The following ZC3H13 variants were observed in gnomAD, a reference collection of about 807,000 sequenced individuals.
The protein encoded by ZC3H13 is zinc finger CCCH-type containing 13, also known as zinc finger CCCH domain-containing protein 13.
ZC3H13 carries 64 observed loss-of-function variants against 204.1 expected under a neutral mutation model. The observed-to-expected ratio is 0.31, with a 90% CI of 0.26 to 0.39. The LOEUF is 0.39. Among genes scored for constraint, ZC3H13 ranks in the 10% least tolerant of loss-of-function variants. The pLI is 1.00. For missense variants in ZC3H13, 1,833 were observed against 2,082.7 expected (o/e 0.88, Z 2.33); for synonymous variants, 667 against 693.7 (o/e 0.96, Z 0.60).
At chr13:45,995,596 CTTGTA>C (rs1480403030) in intron 8 of ZC3H13, among the ~76,000 whole-genome samples, 1 of 152,196 alleles carries the variant, frequency 6.6e-6, no homozygotes, top group African/African-American at 2.4e-5. Context: ...CATTATTCTA[CTTGTA>C]CTAACAAAGC....
intron 4 of ZC3H13, among the ~76,000 whole-genome samples, chr13:46,031,503 G>A (rs1408318822): frequency 2.6e-5 from 4 of 151,900 alleles, no homozygotes; most frequent in Non-Finnish European, 4.4e-5. Flanking sequence ...AATAAGACAA[G>A]CCATAGACTG....
chr13:45,975,362 G>A lies in ZC3H13; in HGVS notation c.2389C>T (p.Arg797Ter), dbSNP rs1952931965. ...TCTCGCTTTTCTCTGCGGTCATCTC[G>A]TCCTTTGTCTTTGTCTTCCCAATCC... is the stretch of plus-strand genomic sequence containing the variant. ...QRDWEDKDKGRDDRREKREEI... is the reference protein window; with the variant it reads ...QRDWEDKDKG Residue 797 changes from arginine to a stop codon, truncating the protein, a stop_gained, in exon 12 of 19, where the codon CGA becomes TGA. Transcript: ENST00000679008. LOFTEE classifies it high-confidence loss of function. 1 of 1,613,476 alleles carries A rather than the reference G, an allele frequency of 6.2e-7. No individual in the cohort carries two copies. The highest frequency in any genetic ancestry group is 8.5e-7 in the Non-Finnish European group (1 of 1,179,852).
chr13:46,040,590 A>C (rs946143274), intron 4 of ZC3H13, among the ~76,000 whole-genome samples: 1 of 152,160 alleles, frequency 6.6e-6, no homozygotes, highest in Admixed American at 6.5e-5. Context: ...AACAAAAAAA[A>C]CAAAAACAGG....
At chr13:45,959,455 T>C in intron 18 of ZC3H13, 28 bp downstream of exon 18, 1 of 1,509,580 alleles carries the variant, frequency 6.6e-7, no homozygotes, top group Non-Finnish European at 8.9e-7. Context: ...CTATTCACTT[T>C]GTATTTTTTC....
intron 8 of ZC3H13, among the ~76,000 whole-genome samples, chr13:46,000,464 T>G (rs537859838): frequency 5.9e-5 from 9 of 152,376 alleles, no homozygotes; most frequent in African/African-American, 2.2e-4. Flanking sequence ...TTAAATGTCA[T>G]GAAGTAACCT....
At chr13:45,988,108 G>T (rs984523202) in intron 9 of ZC3H13, among the ~76,000 whole-genome samples, 3 of 151,950 alleles carry the variant, frequency 2.0e-5, no homozygotes. Flanking sequence ...TTCAAACTAC[G>T]CTCTCTGATT....
Position 45,968,974 on chromosome 13 carries a change from G to A in ZC3H13, c.3570C>T (p.Ser1190=), listed in dbSNP as rs763891660. The change falls in exon 14 of 19, where the codon AGC becomes AGT. Residue 1190 remains serine (S), a synonymous_variant. Coordinates refer to ENST00000679008, the MANE Select transcript of ZC3H13 (RefSeq NM_001330564.2). ...HRKPMDQKRS[S]SLGSNRSNRS... ...GGTTACTCCGATTGCTCCCGAGGCT[G>A]CTGCTCCTCTTTTGATCCATAGGCT... 1 of 1,614,222 alleles carries A rather than the reference G, an allele frequency of 6.2e-7. No homozygotes were observed. Among genetic ancestry groups the A allele is most frequent in the Non-Finnish European group, 8.5e-7 (1 of 1,180,034 alleles).
intron 5 of ZC3H13, among the ~76,000 whole-genome samples, chr13:46,012,791 C>G (rs1226778671): frequency 6.6e-6 from 1 of 152,164 alleles, no homozygotes; most frequent in Non-Finnish European, 1.5e-5. Flanking sequence ...TAAGTGAATA[C>G]TAGCTATCTC....
chr13:45,961,477 G>C (rs914926089), intron 17 of ZC3H13, among the ~76,000 whole-genome samples: 3 of 144,892 alleles, frequency 2.1e-5, no homozygotes, highest in African/African-American at 7.6e-5. Flanking sequence ...ATTCTTAAAA[G>C]TTTAGCTCAA....
At chr13:46,031,904 C>G (rs1218079656) in intron 4 of ZC3H13, among the ~76,000 whole-genome samples, 1 of 152,182 alleles carries the variant, frequency 6.6e-6, no homozygotes, top group African/African-American at 2.4e-5. Flanking sequence ...ACCATATGAT[C>G]CATTAATTAT....
At chr13:45,972,189 AC>A (rs1295689706) in intron 12 of ZC3H13, among the ~76,000 whole-genome samples, 6 of 152,092 alleles carry the variant, frequency 3.9e-5, no homozygotes, top group South Asian at 2.1e-4. Flanking sequence ...AAAAAAAAAA[AC>A]ATGCACATAT....
At chr13:46,025,321 A>G (rs774330771) in intron 4 of ZC3H13, among the ~76,000 whole-genome samples, 1 of 152,046 alleles carries the variant, frequency 6.6e-6, no homozygotes, top group East Asian at 1.9e-4. Flanking sequence ...CGATCTATCT[A>G]CTTGAGACAG....
chr13:45,981,139 G>A (rs1390840765), intron 10 of ZC3H13, among the ~76,000 whole-genome samples: 1 of 152,120 alleles, frequency 6.6e-6, no homozygotes, highest in Non-Finnish European at 1.5e-5. Context: ...ACAGTACTGG[G>A]GCTGTGATAA....
intron 10 of ZC3H13, among the ~76,000 whole-genome samples, chr13:45,980,390 GA>G (rs2138099608): frequency 6.6e-6 from 1 of 152,260 alleles, no homozygotes; most frequent in African/African-American, 2.4e-5. Context: ...AGTTTACAGT[GA>G]AAACATTCCA....
At chr13:46,024,251 T>C (rs983768514) in intron 4 of ZC3H13, among the ~76,000 whole-genome samples, 1 of 152,190 alleles carries the variant, frequency 6.6e-6, no homozygotes, top group Non-Finnish European at 1.5e-5. Context: ...AGACAGAATT[T>C]CCAACTTAAT....
intron 17 of ZC3H13, among the ~76,000 whole-genome samples, chr13:45,961,771 G>A (rs1951709023): frequency 6.6e-6 from 1 of 151,726 alleles, no homozygotes; most frequent in Non-Finnish European, 1.5e-5. Flanking sequence ...ATGCTTGAGG[G>A]GATGAATACT....
chr13:46,021,838 C>T (rs1375471782), intron 4 of ZC3H13, among the ~76,000 whole-genome samples: 1 of 151,900 alleles, frequency 6.6e-6, no homozygotes, highest in African/African-American at 2.4e-5. Context: ...CAATGAAGAA[C>T]TATCCTACAT....
chr13:45,999,121 G>A (rs997071725), intron 8 of ZC3H13, among the ~76,000 whole-genome samples: 6 of 152,032 alleles, frequency 3.9e-5, no homozygotes, highest in African/African-American at 9.7e-5. Context: ...AAGCCTGTAA[G>A]CCCAGCTACT....
chr13:46,033,812 A>G (rs552367556), intron 4 of ZC3H13, among the ~76,000 whole-genome samples: 1 of 152,254 alleles, frequency 6.6e-6, no homozygotes, highest in East Asian at 1.9e-4. Context: ...TCTCAAAACA[A>G]CATGATATAA....
Sources: gnomAD v4.1 joint callset for allele counts (sites outside exome capture counted in the v4.1 genomes callset) on GRCh38, gnomAD v4.1.1 for gene constraint, MANE v1.5 for transcripts, NCBI Gene and HGNC (gene_info 2026-07-23, HGNC 2026-07-21) for gene names.